Variants in IQSEC1 observed in about 807,000 individuals in gnomAD.
The protein encoded by IQSEC1 is IQ motif and Sec7 domain ArfGEF 1.
In IQSEC1, 31 loss-of-function variants were observed where a neutral mutation model predicts 91.0. The ratio of observed to expected loss-of-function variants is 0.34; its 90% CI spans 0.26 to 0.46. The LOEUF (loss-of-function observed/expected upper bound fraction) is 0.46. Among genes scored for constraint, IQSEC1 ranks in the 20% least tolerant of loss-of-function variants. IQSEC1 has a pLI of 1.00. For missense variants in IQSEC1, 1,388 were observed against 1,575.6 expected, an observed-to-expected ratio of 0.88 and a Z score of 2.02; for synonymous variants, 699 against 662.6, an observed-to-expected ratio of 1.05 and a Z score of -0.84.
In IQSEC1 at chr3:12,901,112, A is replaced by G; in HGVS notation, c.3216T>C (p.His1072=). 1 of 1,539,476 alleles carries G rather than the reference A, an allele frequency of 6.5e-7. No individual in the cohort carries two copies. The highest frequency in any genetic ancestry group is 8.7e-7 in the Non-Finnish European group (1 of 1,144,982). The change falls in exon 14 of 14, where the codon CAT becomes CAC. Residue 1072 remains histidine (H), a synonymous_variant. Coordinates refer to ENST00000613206, the MANE Select transcript of IQSEC1 (RefSeq NM_001134382.3). ...PHGGHPAYGA[H]AHGHPPLPSA... Reference sequence around the variant, plus strand: ...AGGGCAGCGGCGGGTGGCCGTGGGCATGGGCCCCGTAGGCTGGGTGGCCCC... The same window carrying G: ...AGGGCAGCGGCGGGTGGCCGTGGGCGTGGGCCCCGTAGGCTGGGTGGCCCC...
chr3:12,915,031 G>A (rs2255964), intron 8 of IQSEC1, 73 bp downstream of exon 8: 937,361 of 1,481,026 alleles, frequency 0.63, 301,065 homozygotes, highest in Non-Finnish European at 0.67. Flanking sequence ...CTGGGGAGCC[G>A]GCGGACTGGC....
chr3:12,908,521 C>T lies in IQSEC1; in HGVS notation c.2583G>A (p.Glu861=). The T allele has an allele frequency of 1.2e-6, 2 of 1,613,610 alleles. No individual in the cohort carries two copies. The highest frequency in any genetic ancestry group is 1.7e-6 in the Non-Finnish European group (2 of 1,180,014). The change falls in exon 12 of 14, where the codon GAG becomes GAA. Residue 861 remains glutamate, a synonymous_variant. Transcript: ENST00000613206. This position sits in a 1 kb window ranked among gnomAD's most constrained non-coding sequence, Gnocchi z 4.9. ...QEMEKHRIES[E]LEKQKGVVRP... is the part of the protein sequence containing the mutation. The stretch of plus-strand genomic sequence containing the variant: ...GCACGACGCCTTTCTGCTTCTCGAG[C>T]TCCGCTGGAACAGAGAGGGTGAGGG...
intron 1 of IQSEC1, among the ~76,000 whole-genome samples, chr3:13,014,665 G>A (rs1044470062): frequency 6.6e-6 from 1 of 152,138 alleles, no homozygotes; most frequent in Non-Finnish European, 1.5e-5. Flanking sequence ...CTGAGGCTGG[G>A]TCGGTAAAAG....
At chr3:13,203,171 A>G (rs1694275893) in intron 1 of IQSEC1, among the ~76,000 whole-genome samples, 1 of 150,806 alleles carries the variant, frequency 6.6e-6, no homozygotes, top group African/African-American at 2.4e-5. Context: ...TACTACACAC[A>G]CACACACACA....
In IQSEC1 at chr3:12,915,674, G is replaced by A. The variant is rs141163963; in HGVS notation, c.2080C>T (p.Arg694Cys). 8 of 1,614,154 alleles carry A rather than the reference G, an allele frequency of 5.0e-6. No individual in the cohort carries two copies. The highest frequency in any genetic ancestry group is 2.2e-5 in the East Asian group (1 of 44,884). Residue 694 changes from arginine to cysteine, a missense_variant, in exon 7 of 14, where the codon CGT (arginine) becomes TGT (cysteine). By Grantham distance (180) the Arg-to-Cys change is radical (BLOSUM62 -3). Transcript: ENST00000613206. Reference sequence around the variant, plus strand: ...TCATTGGTCTTTAGCTCTCGCTTACGGATCCGTTCATAGATCCCCATCAGC... The same window carrying A: ...TCATTGGTCTTTAGCTCTCGCTTACAGATCCGTTCATAGATCCCCATCAGC... Reference protein sequence around the residue: ...EMLMGIYERIRKRELKTNEDH... With the variant: ...EMLMGIYERICKRELKTNEDH...
intron 1 of IQSEC1, among the ~76,000 whole-genome samples, chr3:13,166,879 C>T (rs1218239435): frequency 6.6e-6 from 1 of 152,358 alleles, no homozygotes; most frequent in East Asian, 1.9e-4. Flanking sequence ...TCATCTTTTA[C>T]ACCAAGGATG....
In IQSEC1 at chr3:13,015,905, G is replaced by A. The variant is rs556506350; in HGVS notation, c.23+57087C>T. Among the ~76,000 whole-genome samples the A allele has an allele frequency of 4.6e-5, 7 of 152,332 alleles. No homozygotes were observed. The South Asian group carries it at 1.2e-3, about 27-fold the overall frequency. Reference sequence around the variant, plus strand: ...TGGACAGTCTCTGGTGCCTGATCGTGTTTCAGGGCCACTTAAGTTCCAGGC... The same window carrying A: ...TGGACAGTCTCTGGTGCCTGATCGTATTTCAGGGCCACTTAAGTTCCAGGC... On this transcript the variant is annotated intron_variant, in intron 1 of 13. Transcript: ENST00000613206.
intron 1 of IQSEC1, among the ~76,000 whole-genome samples, chr3:12,977,284 G>T (rs1701227430): frequency 1.3e-5 from 2 of 151,840 alleles, no homozygotes; most frequent in South Asian, 4.2e-4. Context: ...AGAGTTCAAG[G>T]CTGCAGTGAG....
intron 2 of IQSEC1, among the ~76,000 whole-genome samples, chr3:13,124,625 G>T (rs539735692): frequency 2.6e-5 from 4 of 152,182 alleles, no homozygotes; most frequent in Non-Finnish European, 5.9e-5. Flanking sequence ...TCCATGCTGT[G>T]GTGGCTAGGC....
chr3:13,248,601 T>C (rs1166317146), intron 1 of IQSEC1, among the ~76,000 whole-genome samples: 1 of 152,186 alleles, frequency 6.6e-6, no homozygotes, highest in Non-Finnish European at 1.5e-5. Flanking sequence ...GCAGTCCTGC[T>C]CCCTCAGTAC....
At chr3:12,982,907 C>T (rs1431184472) in intron 1 of IQSEC1, among the ~76,000 whole-genome samples, 1 of 152,272 alleles carries the variant, frequency 6.6e-6, no homozygotes, top group Non-Finnish European at 1.5e-5. Context: ...TCCAAACGTT[C>T]CCAGCTTGCA....
At chr3:13,146,032 G>A (rs1706890577) in intron 2 of IQSEC1, among the ~76,000 whole-genome samples, 1 of 152,144 alleles carries the variant, frequency 6.6e-6, no homozygotes, top group Non-Finnish European at 1.5e-5. Flanking sequence ...CTGTCACTCA[G>A]GCTGGAGTGC....
chr3:13,072,737 C>T (rs1705477598), intron 1 of IQSEC1, among the ~76,000 whole-genome samples: 1 of 152,234 alleles, frequency 6.6e-6, no homozygotes, highest in Non-Finnish European at 1.5e-5. Context: ...GGGGGGATAC[C>T]TGCTCTCACA....
chr3:12,900,090 C>T lies in IQSEC1; in HGVS notation c.*893G>A. 4.1e-6 allele frequency: 4 copies of T among 983,824 alleles called. No individual in the cohort carries two copies. The highest frequency in any genetic ancestry group is 3.6e-6 in the Non-Finnish European group (3 of 828,560). 60.9% of individuals were successfully genotyped at this position (983,824 alleles called of 1,614,324 possible). A position where few individuals can be genotyped will look rare whatever the true frequency, so the allele number is the denominator to read the frequency against. On this transcript the variant is annotated 3_prime_UTR_variant, in exon 14 of 14. Transcript: ENST00000613206. ...TCCTGAGTTGCTACTGTAGAGTGTACTGCAGTTTAGCTATTTGCTTACCTG... is the reference window on the plus strand; with the variant it reads ...TCCTGAGTTGCTACTGTAGAGTGTATTGCAGTTTAGCTATTTGCTTACCTG...
At chr3:13,181,404 C>T (rs6442356) in intron 1 of IQSEC1, among the ~76,000 whole-genome samples, 20,947 of 152,196 alleles carry the variant, frequency 0.14, 2,227 homozygotes, top group African/African-American at 0.3. Flanking sequence ...AGAAAATCAG[C>T]AAAAATATAA....
At chr3:13,238,169 G>C (rs1365841297) in intron 1 of IQSEC1, among the ~76,000 whole-genome samples, 1 of 152,146 alleles carries the variant, frequency 6.6e-6, no homozygotes, top group East Asian at 1.9e-4. Context: ...TGGAAAATGG[G>C]GTGCAGACAC....
intron 2 of IQSEC1, among the ~76,000 whole-genome samples, chr3:13,096,079 C>G (rs1705950189): frequency 6.6e-6 from 1 of 152,208 alleles, no homozygotes; most frequent in Non-Finnish European, 1.5e-5. Context: ...TGCTATGAGG[C>G]AGAGAAAGGA....
chr3:13,115,032 G>A (rs573721774), intron 2 of IQSEC1, among the ~76,000 whole-genome samples: 26 of 152,232 alleles, frequency 1.7e-4, no homozygotes, highest in East Asian at 5.8e-4. Context: ...TGGAGGTGCC[G>A]GGCAGGGGGG....
At chr3:13,086,367 G>A (rs1705735273) in intron 2 of IQSEC1, among the ~76,000 whole-genome samples, 1 of 152,174 alleles carries the variant, frequency 6.6e-6, no homozygotes, top group African/African-American at 2.4e-5. Context: ...CAGCACTGTT[G>A]GCCTTGGAAA....
Sources: gnomAD v4.1 joint callset for allele counts (sites outside exome capture counted in the v4.1 genomes callset) on GRCh38, gnomAD v4.1.1 for gene constraint, Gnocchi (gnomAD v3.1) non-coding constraint, MANE v1.5 for transcripts, NCBI Gene and HGNC (gene_info 2026-07-23, HGNC 2026-07-21) for gene names.